Variants in TET2 observed in about 807,000 individuals in gnomAD.
TET2 encodes tet methylcytosine dioxygenase 2.
In TET2, 299 loss-of-function variants were observed where a neutral mutation model predicts 142.9. The ratio of observed to expected loss-of-function variants is 2.09; its 90% CI spans 1.90 to 2.30. TET2 has a LOEUF of 2.30. Ranked by LOEUF, TET2 falls within the 30% of genes most tolerant of loss-of-function variation. The pLI is 0.00. For synonymous variants in TET2, 819 were observed against 849.0 expected, an observed-to-expected ratio of 0.96 and a Z score of 0.61; for missense variants, 2,418 against 2,378.0, an observed-to-expected ratio of 1.02 and a Z score of -0.35.
chr4:105,264,197 A>T (rs1488921768), intron 8 of TET2, among the ~76,000 whole-genome samples: 1 of 151,588 alleles, frequency 6.6e-6, no homozygotes, highest in African/African-American at 2.4e-5. Flanking sequence ...AGAAATGTGT[A>T]TGAATATCTA....
chr4:105,278,803 G>C lies in TET2; in HGVS notation c.*2284G>C, dbSNP rs925514276. 1 of 232,898 alleles carries C rather than the reference G, an allele frequency of 4.3e-6. No homozygotes were observed. Among genetic ancestry groups the C allele is most frequent in the Non-Finnish European group, 8.5e-6 (1 of 117,926 alleles). The allele number at this position is 232,898 out of a possible 1,614,324, so 14.4% of individuals were successfully genotyped here. A position where few individuals can be genotyped will look rare whatever the true frequency, so the allele number is the denominator to read the frequency against. Reference sequence around the variant, plus strand: ...TTGTAAGGCAGGAGTTTGGCAAGTGGCTGTTGGCCAGAGACTTACTTGTAA... The same window carrying C: ...TTGTAAGGCAGGAGTTTGGCAAGTGCCTGTTGGCCAGAGACTTACTTGTAA... On this transcript the variant is annotated 3_prime_UTR_variant, in exon 11 of 11. Transcript: ENST00000380013.
intron 3 of TET2, chr4:105,238,987 TA>T (rs1355534223): frequency 8.2e-6 from 2 of 242,430 alleles, no homozygotes; most frequent in Non-Finnish European, 1.7e-5. Flanking sequence ...AAAACAGCAT[TA>T]ATCTTGTGCA....
At chr4:105,202,037 C>T (rs1726510785) in intron 2 of TET2, among the ~76,000 whole-genome samples, 1 of 151,978 alleles carries the variant, frequency 6.6e-6, no homozygotes, top group Admixed American at 6.6e-5. Context: ...GCTGCCACAC[C>T]CAGCCCCTCC....
chr4:105,182,766 A>G (rs934057930), intron 1 of TET2, among the ~76,000 whole-genome samples: 3 of 152,144 alleles, frequency 2.0e-5, no homozygotes, highest in African/African-American at 7.2e-5. Flanking sequence ...GCTTTATACT[A>G]TAGTGTAAAA....
chr4:105,216,837 C>G (rs1304569028), intron 2 of TET2, among the ~76,000 whole-genome samples: 2 of 152,032 alleles, frequency 1.3e-5, no homozygotes, highest in Non-Finnish European at 2.9e-5. Flanking sequence ...GTTGGACAAA[C>G]TGTTGGTCAC....
rs748418305 is a variant in TET2 at position 105,234,107 on chromosome 4, C to G, written c.165C>G (p.His55Gln). Reference sequence around the variant, plus strand: ...AAGTAAATGGAGACACCAAGTGGCACTCTTTCAAAAGTTATTATGGAATAC... The same window carrying G: ...AAGTAAATGGAGACACCAAGTGGCAGTCTTTCAAAAGTTATTATGGAATAC... The part of the protein sequence containing the change: ...HPEVNGDTKW[H>Q]SFKSYYGIPC... Residue 55 changes from histidine (H) to glutamine (Q), a missense_variant, in exon 3 of 11, where the codon CAC becomes CAG. Physicochemically the swap from His to Gln is conservative, Grantham distance 24. Coordinates refer to ENST00000380013, the MANE Select transcript of TET2 (RefSeq NM_001127208.3). The G allele has an allele frequency of 6.2e-6, 10 of 1,614,058 alleles. No homozygotes were observed. The South Asian group carries it at 1.1e-4, about 18-fold the overall frequency.
chr4:105,211,983 C>T, intron 2 of TET2, among the ~76,000 whole-genome samples: 1 of 152,174 alleles, frequency 6.6e-6, no homozygotes, highest in Non-Finnish European at 1.5e-5. Context: ...ATGGCCACCT[C>T]ATATTCACCC....
At chr4:105,258,948 T>C (rs890733399) in intron 6 of TET2, among the ~76,000 whole-genome samples, 3 of 152,164 alleles carry the variant, frequency 2.0e-5, no homozygotes, top group Admixed American at 6.6e-5. Context: ...TTTTATAAGA[T>C]GGAATATGGT....
intron 1 of TET2, among the ~76,000 whole-genome samples, chr4:105,162,171 T>C (rs1723890990): frequency 6.6e-6 from 1 of 152,166 alleles, no homozygotes; most frequent in Non-Finnish European, 1.5e-5. Flanking sequence ...AACAAACAGC[T>C]TGCTTGGTGA....
intron 8 of TET2, 70 bp from the exon 9 acceptor site, chr4:105,269,540 A>G: frequency 6.6e-7 from 1 of 1,504,658 alleles, no homozygotes; most frequent in Non-Finnish European, 9.0e-7. Context: ...AATGGTCTAA[A>G]TACTAGTGAG....
chr4:105,147,873 G>GA (rs11447764), intron 1 of TET2: 149,613 of 149,628 alleles, frequency 1, 74,799 homozygotes, highest in Non-Finnish European at 1. Flanking sequence ...GCGCAGCGTT[G>GA]GAGTTGCAAG....
At position 105,279,111 on chromosome 4, in the gene TET2, G is replaced by A. The variant is rs1020962246; in HGVS notation, c.*2592G>A. ...TTTGCAAACATTTCCAAAAATGTTTGCTTTGCTTACAAACCACATGATTTT... is the reference window on the plus strand; with the variant it reads ...TTTGCAAACATTTCCAAAAATGTTTACTTTGCTTACAAACCACATGATTTT... On this transcript the variant is annotated 3_prime_UTR_variant, in exon 11 of 11. Transcript: ENST00000380013. 3.9e-5 allele frequency: 9 copies of A among 232,472 alleles called. No individual in the cohort carries two copies. The Admixed American group carries it at 4.5e-4, about 12-fold the overall frequency. 14.4% of individuals were successfully genotyped at this position (232,472 alleles called of 1,614,324 possible).
intron 1 of TET2, among the ~76,000 whole-genome samples, chr4:105,176,178 A>C (rs886691516): frequency 2.0e-5 from 3 of 152,180 alleles, no homozygotes; most frequent in Non-Finnish European, 2.9e-5. Flanking sequence ...CAAAAAACCT[A>C]CAGTTTACAT....
intron 2 of TET2, among the ~76,000 whole-genome samples, chr4:105,197,461 G>T (rs1203624647): frequency 6.6e-6 from 1 of 152,188 alleles, no homozygotes; most frequent in Non-Finnish European, 1.5e-5. Context: ...CACTGTCAGA[G>T]AAGCAGAAAG....
Position 105,205,531 on chromosome 4 carries a change from T to C in TET2, c.-47+15026T>C, listed in dbSNP as rs960681892. Among the ~76,000 whole-genome samples the C allele has an allele frequency of 3.3e-5, 5 of 152,340 alleles. No homozygotes were observed. In the East Asian group the frequency reaches 7.7e-4, roughly 23 times the overall value. On this transcript the variant is annotated intron_variant, in intron 2 of 10. Transcript: ENST00000380013. ...GTCCCCCCCAACCCAATAGGTACTA[T>C]TCTGATTTGTTCTCCTATTCACACA... is the stretch of plus-strand genomic sequence containing the variant.
In TET2 at chr4:105,237,016, T is replaced by C. The variant is rs778819773; in HGVS notation, c.3074T>C (p.Ile1025Thr). 1.2e-6 allele frequency: 2 copies of C among 1,614,144 alleles called. No individual in the cohort carries two copies. ...GATAATGTGCAGCAAAAGAGCATCA[T>C]TGAGACCATGGAGCAGCATCTGAAG... The part of the protein sequence containing the change: ...SCDNVQQKSI[I>T]ETMEQHLKQF... Residue 1025 changes from isoleucine to threonine, a missense_variant, in exon 3 of 11, where the codon ATT becomes ACT. Transcript: ENST00000380013.
rs6831980 is a variant in TET2, at chr4:105,265,897, T to C, written c.4045-3713T>C. On this transcript the variant is annotated intron_variant, in intron 8 of 10. Coordinates refer to ENST00000380013, the MANE Select transcript of TET2 (RefSeq NM_001127208.3). ...GAGTATTAGGCTCCAGTGTAGCCAGTAGGAACCCAAACACACCCAGCCTTA... is the reference window on the plus strand; with the variant it reads ...GAGTATTAGGCTCCAGTGTAGCCAGCAGGAACCCAAACACACCCAGCCTTA... Among the ~76,000 whole-genome samples the C allele has an allele frequency of 1.7e-3, 263 of 152,242 alleles. 2 individuals carry two copies. The highest frequency in any genetic ancestry group is 6.0e-3 in the African/African-American group (248 of 41,552).
chr4:105,278,777 A>C lies in TET2; in HGVS notation c.*2258A>C, dbSNP rs1008348285. The C allele has an allele frequency of 8.6e-5, 20 of 232,926 alleles. No homozygotes were observed. Among genetic ancestry groups the C allele is most frequent in the African/African-American group, 4.2e-4 (19 of 45,338 alleles). 14.4% of individuals were successfully genotyped at this position (232,926 alleles called of 1,614,324 possible). On this transcript the variant is annotated 3_prime_UTR_variant, in exon 11 of 11. Transcript: ENST00000380013. ...ATGCACTGAGTTGATAAAGGGAAAAATTGTAAGGCAGGAGTTTGGCAAGTG... is the reference window on the plus strand; with the variant it reads ...ATGCACTGAGTTGATAAAGGGAAAACTTGTAAGGCAGGAGTTTGGCAAGTG...
chr4:105,237,842 G>T lies in TET2; in HGVS notation c.3409+491G>T, dbSNP rs113583207. The T allele has an allele frequency of 0.017, 18,106 of 1,085,728 alleles. 190 individuals are homozygous for T. Among genetic ancestry groups the T allele is most frequent in the Middle Eastern group, 0.032 (73 of 2,300 alleles). The allele number at this position is 1,085,728 out of a possible 1,614,324, so 67.3% of individuals were successfully genotyped here. A position where few individuals can be genotyped will look rare whatever the true frequency, so the allele number is the denominator to read the frequency against. ...TTATCTTCAGTCTTCATGAGTTGGGGGAAATGATAATGCTGACACTCTTAG... is the reference window on the plus strand; with the variant it reads ...TTATCTTCAGTCTTCATGAGTTGGGTGAAATGATAATGCTGACACTCTTAG... On this transcript the variant is annotated intron_variant, in intron 3 of 10. Coordinates refer to ENST00000380013, the MANE Select transcript of TET2 (RefSeq NM_001127208.3).
Sources: allele counts gnomAD v4.1 joint callset (sites outside exome capture counted in the v4.1 genomes callset), GRCh38; gene constraint gnomAD v4.1.1; transcripts MANE v1.5; gene names NCBI Gene and HGNC (gene_info 2026-07-23, HGNC 2026-07-21).